Variants in CCDC85A observed in about 807,000 individuals in gnomAD.
CCDC85A encodes coiled-coil domain containing 85A.
CCDC85A carries 38 observed loss-of-function variants against 50.2 expected under a neutral mutation model. That is an observed-to-expected ratio of 0.76 (90% CI 0.58 to 0.99). CCDC85A has a LOEUF of 0.99. CCDC85A is among the 50% of genes least tolerant of loss of function. The pLI, the probability that CCDC85A is intolerant of heterozygous loss-of-function variation, is 0.00. For synonymous variants in CCDC85A, 366 were observed against 301.4 expected, an observed-to-expected ratio of 1.21 and a Z score of -2.22; for missense variants, 820 against 742.0, an observed-to-expected ratio of 1.11 and a Z score of -1.22.
At chr2:56,321,579 T>C (rs1243161406) in intron 2 of CCDC85A, among the ~76,000 whole-genome samples, 1 of 152,082 alleles carries the variant, frequency 6.6e-6, no homozygotes, top group African/African-American at 2.4e-5. Context: ...GGAATCCAAC[T>C]TACAAGGGAT....
chr2:56,275,179 A>G (rs1465678630), intron 2 of CCDC85A, among the ~76,000 whole-genome samples: 1 of 152,132 alleles, frequency 6.6e-6, no homozygotes, highest in Admixed American at 6.5e-5. Context: ...CCCACCATGA[A>G]TCTGTTATAT....
chr2:56,207,428 G>A (rs796978706), intron 2 of CCDC85A, among the ~76,000 whole-genome samples: 6 of 152,262 alleles, frequency 3.9e-5, no homozygotes, highest in African/African-American at 1.4e-4. Flanking sequence ...ACTTTACAAA[G>A]CTGACTTGAA....
chr2:56,350,898 A>G (rs978548757), intron 3 of CCDC85A, among the ~76,000 whole-genome samples: 1 of 149,024 alleles, frequency 6.7e-6, no homozygotes, highest in African/African-American at 2.5e-5. Flanking sequence ...CATGTGCACA[A>G]TGTGCAGGTT....
chr2:56,189,297 G>GTTTTTTTTTTTTTTTTTTTTTTTTTTT (rs70955011), intron 1 of CCDC85A, among the ~76,000 whole-genome samples: 19 of 121,950 alleles, frequency 1.6e-4, no homozygotes, highest in African/African-American at 6.2e-4. Context: ...TATTTTTGGT[G>GTTTTTTTTTTTTTTTTTTTTTTTTTTT]TTTTTTTTTT....
intron 5 of CCDC85A, among the ~76,000 whole-genome samples, chr2:56,380,747 TATACATGGG>T (rs1345148817): frequency 1.3e-5 from 2 of 152,156 alleles, no homozygotes; most frequent in Non-Finnish European, 2.9e-5. Context: ...TTTTGAGTAA[TATACATGGG>T]ATGTATCATT....
In CCDC85A at chr2:56,321,060, T is replaced by C. The variant is rs528262471; in HGVS notation, c.1241-21819T>C. ...AAAACCACATGATTATCTCAACAGA[T>C]GCAGAAAAGGCCTCTGACAAAATTC... On this transcript the variant is annotated intron_variant, in intron 2 of 5. Transcript: ENST00000407595. 9.2e-5 allele frequency among the ~76,000 whole-genome samples: 14 copies of C among 152,288 alleles called. No individual in the cohort carries two copies. In the East Asian group the frequency reaches 2.5e-3, roughly 27 times the overall value.
chr2:56,375,361 G>A (rs1041302759), intron 4 of CCDC85A, among the ~76,000 whole-genome samples: 1 of 152,114 alleles, frequency 6.6e-6, no homozygotes, highest in African/African-American at 2.4e-5. Context: ...TTTATTATAG[G>A]TCTTTCCCTC....
chr2:56,301,708 T>C (rs1185523956), intron 2 of CCDC85A, among the ~76,000 whole-genome samples: 1 of 151,892 alleles, frequency 6.6e-6, no homozygotes, highest in Non-Finnish European at 1.5e-5. Context: ...GTTTAAAAGA[T>C]CAGAAAACCA....
intron 2 of CCDC85A, among the ~76,000 whole-genome samples, chr2:56,304,414 G>A (rs549949546): frequency 6.6e-6 from 1 of 152,228 alleles, no homozygotes; most frequent in South Asian, 2.1e-4. Context: ...TTTGTGCAGT[G>A]GCATCAAAAA....
rs576138244 is a variant in CCDC85A at position 56,298,262 on chromosome 2, T to C, written c.1241-44617T>C. Among the ~76,000 whole-genome samples the C allele has an allele frequency of 1.6e-4, 24 of 151,988 alleles. No individual in the cohort carries two copies. In the East Asian group the frequency reaches 4.3e-3, roughly 27 times the overall value. Reference sequence around the variant, plus strand: ...CTGAAATGATGCCCAATACTCTGAGTTTGATAGAAGGTAATTACAGAAGTG... The same window carrying C: ...CTGAAATGATGCCCAATACTCTGAGCTTGATAGAAGGTAATTACAGAAGTG... On this transcript the variant is annotated intron_variant, in intron 2 of 5. Coordinates refer to ENST00000407595, the MANE Select transcript of CCDC85A (RefSeq NM_001080433.2).
chr2:56,266,532 A>C (rs2104041864), intron 2 of CCDC85A, among the ~76,000 whole-genome samples: 1 of 150,214 alleles, frequency 6.7e-6, no homozygotes, highest in African/African-American at 2.4e-5. Flanking sequence ...TCAAAACATC[A>C]CATTATGCCC....
At chr2:56,188,622 G>A (rs1326854442) in intron 1 of CCDC85A, among the ~76,000 whole-genome samples, 1 of 152,234 alleles carries the variant, frequency 6.6e-6, no homozygotes, top group Non-Finnish European at 1.5e-5. Flanking sequence ...AGCTTAGAAA[G>A]ATTAATTTTC....
At chr2:56,352,342 G>A (rs1674992909) in intron 3 of CCDC85A, among the ~76,000 whole-genome samples, 1 of 152,020 alleles carries the variant, frequency 6.6e-6, no homozygotes, top group African/African-American at 2.4e-5. Flanking sequence ...ATTTTTAAGT[G>A]ATTTGAGTCT....
chr2:56,295,107 T>TCA (rs1399833338), intron 2 of CCDC85A, among the ~76,000 whole-genome samples: 1 of 151,816 alleles, frequency 6.6e-6, no homozygotes, highest in Non-Finnish European at 1.5e-5. Context: ...GCTTAGATTT[T>TCA]CACTGAATGG....
At chr2:56,200,376 G>A (rs1412552048) in intron 2 of CCDC85A, among the ~76,000 whole-genome samples, 2 of 152,088 alleles carry the variant, frequency 1.3e-5, no homozygotes, top group Non-Finnish European at 2.9e-5. Flanking sequence ...ATTAAGAATC[G>A]TTCCATGTTC....
chr2:56,184,592 C>T lies in CCDC85A; in HGVS notation c.-33C>T. 2 of 1,387,130 alleles carry T rather than the reference C, an allele frequency of 1.4e-6. No individual in the cohort carries two copies. Among genetic ancestry groups the T allele is most frequent in the Non-Finnish European group, 9.2e-7 (1 of 1,083,538 alleles). The allele number at this position is 1,387,130 out of a possible 1,614,324, so 85.9% of individuals were successfully genotyped here. On this transcript the variant is annotated 5_prime_UTR_variant, in exon 1 of 6. Transcript: ENST00000407595. ...GCCTTCGGGAGTCGCCTCGCCTCTT[C>T]CACCCACTTGCACCTGCCACCCCGC...
At position 56,305,468 on chromosome 2, in the gene CCDC85A, C is replaced by T. The variant is rs76446489; in HGVS notation, c.1241-37411C>T. Among the ~76,000 whole-genome samples, 1,487 of 152,280 alleles carry T rather than the reference C, an allele frequency of 9.8e-3. 30 individuals carry two copies. Among genetic ancestry groups the T allele is most frequent in the African/African-American group, 0.032 (1,344 of 41,560 alleles). On this transcript the variant is annotated intron_variant, in intron 2 of 5. Transcript: ENST00000407595. The stretch of plus-strand genomic sequence containing the variant: ...AGTCTTTGGTTCCTGTGCTGTTAAA[C>T]GCTGTAATCCCTCTGTGTTTATAGA...
intron 2 of CCDC85A, among the ~76,000 whole-genome samples, chr2:56,230,231 A>G (rs1344820191): frequency 6.6e-6 from 1 of 152,110 alleles, no homozygotes; most frequent in Non-Finnish European, 1.5e-5. Context: ...ATTGAACTAA[A>G]CCCTTCTTTG....
intron 2 of CCDC85A, among the ~76,000 whole-genome samples, chr2:56,263,624 G>A (rs1210026380): frequency 6.6e-6 from 1 of 152,174 alleles, no homozygotes; most frequent in Non-Finnish European, 1.5e-5. Context: ...GTCTGTGTCT[G>A]TATATATAAG....
Sources: gnomAD v4.1 joint callset for allele counts (sites outside exome capture counted in the v4.1 genomes callset) on GRCh38, gnomAD v4.1.1 for gene constraint, MANE v1.5 for transcripts, NCBI Gene and HGNC (gene_info 2026-07-23, HGNC 2026-07-21) for gene names.